The following MEI4 variants were observed in gnomAD, a reference collection of about 807,000 sequenced individuals.
The protein encoded by MEI4 is meiosis-specific protein MEI4.
MEI4 carries 27 observed loss-of-function variants against 31.4 expected under a neutral mutation model. The observed-to-expected ratio is 0.86, with a 90% confidence interval of 0.63 to 1.19. The LOEUF (loss-of-function observed/expected upper bound fraction) is 1.19. MEI4 is among the 50% of genes most tolerant of loss of function. MEI4 has a pLI of 0.00. For synonymous variants in MEI4, 122 were observed against 145.4 expected, an observed-to-expected ratio of 0.84 and a Z score of 1.16; for missense variants, 329 against 398.9, an observed-to-expected ratio of 0.82 and a Z score of 1.49.
chr6:77,767,290 G>A (rs1236752080), intron 3 of MEI4, among the ~76,000 whole-genome samples: 1 of 151,988 alleles, frequency 6.6e-6, no homozygotes, highest in Non-Finnish European at 1.5e-5. Flanking sequence ...TGAGGCAGGA[G>A]AATCGCTTGA....
chr6:77,858,702 A>G (rs1475458584), intron 4 of MEI4, among the ~76,000 whole-genome samples: 1 of 152,142 alleles, frequency 6.6e-6, no homozygotes, highest in African/African-American at 2.4e-5. Context: ...TTCACCAGCT[A>G]GTAGGATTTG....
At chr6:77,722,470 C>T (rs1766732422) in intron 2 of MEI4, among the ~76,000 whole-genome samples, 1 of 151,774 alleles carries the variant, frequency 6.6e-6, no homozygotes, top group Non-Finnish European at 1.5e-5. Context: ...AAAAGGATAC[C>T]CTATTCCTTC....
intron 1 of MEI4, among the ~76,000 whole-genome samples, chr6:77,656,660 G>T (rs1183118570): frequency 6.6e-6 from 1 of 152,072 alleles, no homozygotes; most frequent in Non-Finnish European, 1.5e-5. Flanking sequence ...TTTCATAACG[G>T]TGCATAAAAC....
intron 2 of MEI4, among the ~76,000 whole-genome samples, chr6:77,696,496 G>A (rs1017622944): frequency 1.3e-5 from 2 of 151,902 alleles, no homozygotes; most frequent in African/African-American, 4.8e-5. Flanking sequence ...TTTTGTCAAA[G>A]GTCTTTTCTG....
chr6:77,734,861 C>G (rs960905523), intron 2 of MEI4, among the ~76,000 whole-genome samples: 136 of 151,946 alleles, frequency 9.0e-4, no homozygotes, highest in Non-Finnish European at 1.7e-3. Flanking sequence ...ATTTGCTTGT[C>G]TGTAAAGGAT....
chr6:77,822,493 C>T (rs959030300), intron 3 of MEI4, among the ~76,000 whole-genome samples: 6 of 152,038 alleles, frequency 3.9e-5, no homozygotes, highest in Non-Finnish European at 7.4e-5. Flanking sequence ...ATGCTTTTTA[C>T]CCTCATTGAT....
At position 77,926,159 on chromosome 6, in the gene MEI4, A is replaced by G. The variant is rs906508041; in HGVS notation, c.*2813A>G. The G allele has an allele frequency of 6.6e-6, 1 of 151,944 alleles. No individual in the cohort carries two copies. The highest frequency in any genetic ancestry group is 1.5e-5 in the Non-Finnish European group (1 of 67,956). The allele number at this position is 151,944 out of a possible 1,614,324, so 9.4% of individuals were successfully genotyped here. On this transcript the variant is annotated 3_prime_UTR_variant, in exon 5 of 5. Transcript: ENST00000684080. ...CTTTCACAAACACAGCTTCTTTGCA[A>G]TTGTCATCAAAGCTTTATACATGCT...
chr6:77,822,621 C>A (rs1183483205), intron 3 of MEI4, among the ~76,000 whole-genome samples: 1 of 144,812 alleles, frequency 6.9e-6, no homozygotes, highest in African/African-American at 2.5e-5. Context: ...TACCCCCCCC[C>A]CCTTTTTTTT....
chr6:77,817,703 T>A (rs963299932), intron 3 of MEI4, among the ~76,000 whole-genome samples: 7 of 152,150 alleles, frequency 4.6e-5, no homozygotes, highest in Non-Finnish European at 1.0e-4. Context: ...ATAATTTTTT[T>A]ATAAAATATC....
intron 4 of MEI4, among the ~76,000 whole-genome samples, chr6:77,883,745 A>C (rs9361306): frequency 1.2e-5 from 1 of 82,286 alleles, no homozygotes; most frequent in Non-Finnish European, 2.4e-5. Context: ...TATATATATA[A>C]CTTTGTCTTT....
At position 77,696,241 on chromosome 6, in the gene MEI4, T is replaced by C. The variant is rs1318309436; in HGVS notation, c.232+5338T>C. Among the ~76,000 whole-genome samples, 4 of 152,180 alleles carry C rather than the reference T, an allele frequency of 2.6e-5. No individual in the cohort carries two copies. The South Asian group carries it at 6.2e-4, about 24-fold the overall frequency. The stretch of plus-strand genomic sequence containing the variant: ...ACAATTTGACTTCCTCTTTTCCTAA[T>C]TGAATACCCTTTATTTCCTTCTCCT... On this transcript the variant is annotated intron_variant, in intron 2 of 4. Transcript: ENST00000684080.
At chr6:77,706,808 T>G (rs1766342696) in intron 2 of MEI4, among the ~76,000 whole-genome samples, 1 of 152,098 alleles carries the variant, frequency 6.6e-6, no homozygotes, top group African/African-American at 2.4e-5. Flanking sequence ...ATACACCGGC[T>G]CCCTGCTTTC....
At chr6:77,670,298 A>T (rs1450725410) in intron 1 of MEI4, among the ~76,000 whole-genome samples, 1 of 151,890 alleles carries the variant, frequency 6.6e-6, no homozygotes, top group African/African-American at 2.4e-5. Flanking sequence ...TTGTAGACTC[A>T]TCACTATTAT....
intron 3 of MEI4, among the ~76,000 whole-genome samples, chr6:77,787,509 G>C (rs1268254683): frequency 6.6e-6 from 1 of 152,122 alleles, no homozygotes; most frequent in African/African-American, 2.4e-5. Flanking sequence ...CACCACTAGA[G>C]TGCAATCCCA....
At chr6:77,791,256 C>T (rs1048995393) in intron 3 of MEI4, among the ~76,000 whole-genome samples, 3 of 152,020 alleles carry the variant, frequency 2.0e-5, no homozygotes, top group East Asian at 1.9e-4. Flanking sequence ...GCATTATTCA[C>T]GATAGCAAAG....
intron 4 of MEI4, among the ~76,000 whole-genome samples, chr6:77,882,604 G>A (rs1160154993): frequency 1.3e-5 from 2 of 152,102 alleles, no homozygotes; most frequent in East Asian, 1.9e-4. Context: ...GATGTGCGTT[G>A]AGAGGATATG....
intron 2 of MEI4, among the ~76,000 whole-genome samples, chr6:77,758,359 T>C (rs1287648439): frequency 2.0e-5 from 3 of 152,168 alleles, no homozygotes; most frequent in Non-Finnish European, 2.9e-5. Context: ...ATGGTTATAG[T>C]AGACACTTGT....
chr6:77,668,447 T>C (rs986643468), intron 1 of MEI4, among the ~76,000 whole-genome samples: 1 of 152,214 alleles, frequency 6.6e-6, no homozygotes, highest in African/African-American at 2.4e-5. Context: ...GGCAACAGAC[T>C]GTATTATTTC....
chr6:77,716,846 C>G (rs1766592002), intron 2 of MEI4: 1 of 981,456 alleles, frequency 1.0e-6, no homozygotes, highest in Non-Finnish European at 1.2e-6. Context: ...AATGAGGAAA[C>G]AGATGAGATG....
Sources: allele counts gnomAD v4.1 joint callset (sites outside exome capture counted in the v4.1 genomes callset), GRCh38; gene constraint gnomAD v4.1.1; transcripts MANE v1.5; gene names NCBI Gene and HGNC (gene_info 2026-07-23, HGNC 2026-07-21).